The following SPIN1 variants were observed in gnomAD, a reference collection of about 807,000 sequenced individuals.
SPIN1 encodes the protein spindlin-1.
In SPIN1, 3 loss-of-function variants were observed where a neutral mutation model predicts 26.0. The observed-to-expected ratio is 0.12, with a 90% CI of 0.05 to 0.30. The LOEUF (loss-of-function observed/expected upper bound fraction) is 0.30, where lower values mean the gene tolerates loss of function less well. SPIN1 is among the 10% of genes least tolerant of loss of function. The pLI, the probability that SPIN1 is intolerant of heterozygous loss-of-function variation, is 1.00. For synonymous variants in SPIN1, 101 were observed against 116.5 expected (o/e 0.87, Z 0.86); for missense variants, 126 against 333.4 (o/e 0.38, Z 4.84).
rs141685611 is a variant in SPIN1 at position 88,400,666 on chromosome 9, C to T, written c.-159+12128C>T. 2.7e-3 allele frequency among the ~76,000 whole-genome samples: 411 copies of T among 152,128 alleles called. 2 individuals are homozygous for T. Among genetic ancestry groups the T allele is most frequent in the Middle Eastern group, 0.014 (4 of 290 alleles). On this transcript the variant is annotated intron_variant, in intron 1 of 5. Coordinates refer to ENST00000375859, the MANE Select transcript of SPIN1 (RefSeq NM_006717.3). ...TTTGAGACCAGCCTGGCCAACATGG[C>T]GATACCTCATCTCTACTAAAAATAC...
rs534914049 is a variant in SPIN1, at chr9:88,422,587, A to G, written c.-158-3795A>G. ...TGTCTCTGCATTTCTTTCTGGTCTTAACAGGAGTTAGGATAAGATCAGGTG... is the reference window on the plus strand; with the variant it reads ...TGTCTCTGCATTTCTTTCTGGTCTTGACAGGAGTTAGGATAAGATCAGGTG... On this transcript the variant is annotated intron_variant, in intron 1 of 5. Coordinates refer to ENST00000375859, the MANE Select transcript of SPIN1 (RefSeq NM_006717.3). Among the ~76,000 whole-genome samples the G allele has an allele frequency of 5.9e-5, 9 of 152,338 alleles. No homozygotes were observed. In the East Asian group the frequency reaches 1.7e-3, roughly 29 times the overall value.
At chr9:88,415,731 T>C (rs944520514) in intron 1 of SPIN1, 2 of 152,100 alleles carry the variant, frequency 1.3e-5, no homozygotes, top group African/African-American at 4.8e-5. Context: ...TTGTAACATT[T>C]TAAATAAGAA....
chr9:88,470,605 T>G (rs1184469992), intron 5 of SPIN1, among the ~76,000 whole-genome samples: 1 of 151,874 alleles, frequency 6.6e-6, no homozygotes, highest in Non-Finnish European at 1.5e-5. Flanking sequence ...CCCCCCCTTT[T>G]TTTTTTTGAG....
intron 1 of SPIN1, among the ~76,000 whole-genome samples, chr9:88,419,990 C>T (rs1213619708): frequency 6.6e-6 from 1 of 152,190 alleles, no homozygotes; most frequent in East Asian, 1.9e-4. Flanking sequence ...TTTTTCATTC[C>T]TTCCTTACAA....
chr9:88,462,424 C>T, intron 3 of SPIN1, 72 bp from the exon 4 acceptor site: 1 of 1,549,956 alleles, frequency 6.5e-7, no homozygotes, highest in Non-Finnish European at 8.7e-7. Flanking sequence ...TCATGCTAGC[C>T]AGCGGTTATG....
At chr9:88,430,400 C>T (rs1827845061) in intron 2 of SPIN1, among the ~76,000 whole-genome samples, 1 of 152,194 alleles carries the variant, frequency 6.6e-6, no homozygotes, top group African/African-American at 2.4e-5. Flanking sequence ...GGAACTTATA[C>T]AGGTTCACTT....
intron 1 of SPIN1, chr9:88,411,056 A>G (rs534409514): frequency 6.3e-7 from 1 of 1,585,514 alleles, no homozygotes; most frequent in South Asian, 1.1e-5. Context: ...GTCAGTCATG[A>G]TTTCAATCAC....
At chr9:88,402,928 T>C (rs1471134951) in intron 1 of SPIN1, among the ~76,000 whole-genome samples, 1 of 152,186 alleles carries the variant, frequency 6.6e-6, no homozygotes, top group Non-Finnish European at 1.5e-5. Context: ...TCCCAGTGTA[T>C]AAGAGTTCCC....
At chr9:88,473,411 T>A (rs991781194) in intron 5 of SPIN1, among the ~76,000 whole-genome samples, 1 of 151,718 alleles carries the variant, frequency 6.6e-6, no homozygotes, top group African/African-American at 2.4e-5. Flanking sequence ...AAAAAAAAAT[T>A]GTGTACATTT....
chr9:88,407,101 G>GT (rs1204443998), intron 1 of SPIN1, among the ~76,000 whole-genome samples: 2 of 137,230 alleles, frequency 1.5e-5, no homozygotes, highest in African/African-American at 2.7e-5. Context: ...AATTTCCTAT[G>GT]TTAGTCTAGA....
At chr9:88,400,499 A>T (rs1397201377) in intron 1 of SPIN1, among the ~76,000 whole-genome samples, 2 of 152,042 alleles carry the variant, frequency 1.3e-5, no homozygotes, top group African/African-American at 4.8e-5. Context: ...CCTCGGTTAG[A>T]TTTTTTCTGG....
intron 1 of SPIN1, among the ~76,000 whole-genome samples, chr9:88,408,973 G>GTGTGTT (rs1827375032): frequency 3.1e-5 from 4 of 128,660 alleles, no homozygotes; most frequent in African/African-American, 1.5e-4. Context: ...TTTTGTGTTT[G>GTGTGTT]TGTGTGTTTG....
At chr9:88,407,104 A>G (rs1827326963) in intron 1 of SPIN1, among the ~76,000 whole-genome samples, 1 of 146,740 alleles carries the variant, frequency 6.8e-6, no homozygotes, top group Non-Finnish European at 1.5e-5. Context: ...TTCCTATGTT[A>G]GTCTAGACAT....
intron 2 of SPIN1, among the ~76,000 whole-genome samples, chr9:88,435,079 C>A (rs982967427): frequency 4.0e-5 from 6 of 151,404 alleles, no homozygotes; most frequent in African/African-American, 1.2e-4. Flanking sequence ...TTATCTTTGT[C>A]AGTATGTCTT....
rs762283883 is a variant in SPIN1, at chr9:88,470,602, T to C, written c.589+1997T>C. On this transcript the variant is annotated intron_variant, in intron 5 of 5. Transcript: ENST00000375859. ...TTCATATGCTTATTGGCCCCCCCCC[T>C]TTTTTTTTTTGAGACAGAGTCTTGC... 0.038 allele frequency among the ~76,000 whole-genome samples: 3,158 copies of C among 83,122 alleles called. 67 individuals carry two copies. The African/African-American group carries it at 0.39, about 10-fold the overall frequency. The allele number at this position is 83,122 out of a possible 152,430, so 54.5% of individuals were successfully genotyped here. A position where few individuals can be genotyped will look rare whatever the true frequency, so the allele number is the denominator to read the frequency against.
intron 2 of SPIN1, among the ~76,000 whole-genome samples, chr9:88,426,865 G>A (rs1408999269): frequency 6.6e-6 from 1 of 151,912 alleles, no homozygotes; most frequent in African/African-American, 2.4e-5. Flanking sequence ...TATAGTAAAA[G>A]GAGTTTTTTC....
intron 1 of SPIN1, among the ~76,000 whole-genome samples, chr9:88,405,711 C>CTA (rs1342147549): frequency 6.6e-6 from 1 of 151,834 alleles, no homozygotes; most frequent in African/African-American, 2.4e-5. Flanking sequence ...CCAGCCTGTA[C>CTA]TATACTTTTG....
At chr9:88,396,434 T>G (rs1827060959) in intron 1 of SPIN1, among the ~76,000 whole-genome samples, 1 of 151,546 alleles carries the variant, frequency 6.6e-6, no homozygotes, top group Non-Finnish European at 1.5e-5. Flanking sequence ...AAACCCCGTC[T>G]CTACTAAAAA....
At chr9:88,395,418 C>T (rs970629069) in intron 1 of SPIN1, among the ~76,000 whole-genome samples, 4 of 152,056 alleles carry the variant, frequency 2.6e-5, no homozygotes, top group African/African-American at 9.7e-5. Context: ...GAAGTGCGTG[C>T]TTGCAACTCA....
Sources: allele counts gnomAD v4.1 joint callset (sites outside exome capture counted in the v4.1 genomes callset), GRCh38; gene constraint gnomAD v4.1.1; transcripts MANE v1.5; gene names NCBI Gene and HGNC (gene_info 2026-07-23, HGNC 2026-07-21).